The following ARL13B variants were observed in gnomAD, a reference collection of about 807,000 sequenced individuals.
ARL13B encodes ARF like GTPase 13B.
ARL13B carries 36 observed loss-of-function variants against 56.1 expected under a neutral mutation model. The ratio of observed to expected loss-of-function variants is 0.64; its 90% CI spans 0.49 to 0.85. ARL13B has a LOEUF of 0.85. ARL13B is among the 40% of genes least tolerant of loss of function. The pLI, the probability that ARL13B is intolerant of heterozygous loss-of-function variation, is 0.00. For missense variants in ARL13B, 519 were observed against 507.1 expected (o/e 1.02, Z -0.23); for synonymous variants, 178 against 171.1 (o/e 1.04, Z -0.32).
chr3:94,021,923 G>T (rs2076456494), intron 3 of ARL13B, among the ~76,000 whole-genome samples: 1 of 151,790 alleles, frequency 6.6e-6, no homozygotes. Context: ...ATGTACACAG[G>T]TTAACAAGTC....
At chr3:94,028,400 C>T (rs2076601554) in intron 3 of ARL13B, 1 of 152,230 alleles carries the variant, frequency 6.6e-6, no homozygotes, top group South Asian at 2.1e-4. Flanking sequence ...GGTTTTCCAC[C>T]TGCGGTGTTG....
intron 3 of ARL13B, among the ~76,000 whole-genome samples, chr3:94,024,620 C>G (rs2076517944): frequency 6.6e-6 from 1 of 152,154 alleles, no homozygotes. Context: ...GGATCTCACT[C>G]TATCACCCAG....
At chr3:93,982,251 G>A (rs2107311502) in intron 1 of ARL13B, among the ~76,000 whole-genome samples, 1 of 152,324 alleles carries the variant, frequency 6.6e-6, no homozygotes, top group Non-Finnish European at 1.5e-5. Context: ...AAGTAGAACA[G>A]ATAATTGAAT....
chr3:94,010,125 C>T (rs1486857703), intron 3 of ARL13B, among the ~76,000 whole-genome samples: 3 of 152,078 alleles, frequency 2.0e-5, no homozygotes. Flanking sequence ...TTGAGAACTA[C>T]TGGTGTAGGA....
intron 9 of ARL13B, among the ~76,000 whole-genome samples, chr3:94,052,447 G>A (rs937358670): frequency 2.6e-5 from 4 of 152,040 alleles, no homozygotes; most frequent in Non-Finnish European, 5.9e-5. Context: ...GCATTAGAAC[G>A]AGGTCTTCAA....
intron 2 of ARL13B, among the ~76,000 whole-genome samples, chr3:93,997,979 G>A (rs553276800): frequency 1.4e-3 from 211 of 151,852 alleles, no homozygotes; most frequent in African/African-American, 4.8e-3. Flanking sequence ...GTGAGACTCC[G>A]TCTCAAAAAA....
In ARL13B at chr3:94,013,844, G is replaced by A. The variant is rs2076270815; in HGVS notation, c.380+9936G>A. On this transcript the variant is annotated intron_variant, in intron 3 of 9. Coordinates refer to ENST00000394222, the MANE Select transcript of ARL13B (RefSeq NM_001174150.2). ...CACCTGTAATCCCAGCTACTCAGGA[G>A]GCTAAGGCACAAGAATCGCTTGAAA... 2.0e-5 allele frequency among the ~76,000 whole-genome samples: 3 copies of A among 152,294 alleles called. No individual in the cohort carries two copies. The South Asian group carries it at 6.2e-4, about 32-fold the overall frequency.
chr3:94,014,461 A>G, intron 3 of ARL13B: 1 of 1,603,910 alleles, frequency 6.2e-7, no homozygotes, highest in Non-Finnish European at 8.5e-7. Context: ...TTTTACAGCT[A>G]GTCCAAATTT....
chr3:93,994,540 TAAGG>T (rs1242799723), intron 1 of ARL13B, among the ~76,000 whole-genome samples: 11 of 152,200 alleles, frequency 7.2e-5, no homozygotes, highest in Non-Finnish European at 1.3e-4. Context: ...GTAAGCTTAA[TAAGG>T]AAGAGTTTCT....
At chr3:94,035,275 T>C in intron 3 of ARL13B, 56 bp from the exon 4 acceptor site, 2 of 1,198,070 alleles carry the variant, frequency 1.7e-6, no homozygotes, top group Non-Finnish European at 2.4e-6. Context: ...AAAATATCTT[T>C]AAGTTTCCAT....
Position 94,035,252 on chromosome 3 carries a change from A to AT in ARL13B, c.381-79_381-78insT, listed in dbSNP as rs2076746227. The AT allele has an allele frequency of 5.5e-6, 6 of 1,085,252 alleles. No homozygotes were observed. In the South Asian group the frequency reaches 8.4e-5, roughly 15 times the overall value. The allele number at this position is 1,085,252 out of a possible 1,614,324, so 67.2% of individuals were successfully genotyped here. A position where few individuals can be genotyped will look rare whatever the true frequency, so the allele number is the denominator to read the frequency against. ...ACTCAGTCTCAAAAAAAAAAAAAAA[A>AT]AAGAATGTGGTCAAAATATCTTTAA... On this transcript the variant is annotated intron_variant, in intron 3 of 9. Coordinates refer to ENST00000394222, the MANE Select transcript of ARL13B (RefSeq NM_001174150.2).
intron 3 of ARL13B, among the ~76,000 whole-genome samples, chr3:94,023,851 T>C (rs1408779030): frequency 6.6e-6 from 1 of 152,150 alleles, no homozygotes; most frequent in Non-Finnish European, 1.5e-5. Flanking sequence ...GGAGATAATA[T>C]AGCATATAGG....
intron 2 of ARL13B, among the ~76,000 whole-genome samples, chr3:94,002,059 A>T (rs1316086190): frequency 6.6e-6 from 1 of 152,200 alleles, no homozygotes; most frequent in East Asian, 1.9e-4. Flanking sequence ...GTGTGTTGCA[A>T]GTCTGTTTCT....
At chr3:93,982,752 C>A (rs1204210891) in intron 1 of ARL13B, among the ~76,000 whole-genome samples, 1 of 152,090 alleles carries the variant, frequency 6.6e-6, no homozygotes, top group Non-Finnish European at 1.5e-5. Flanking sequence ...TCTTCTAAGT[C>A]CCCTTGTTCA....
intron 6 of ARL13B, 44 bp downstream of exon 6, chr3:94,040,032 G>A (rs2076836872): frequency 1.3e-6 from 2 of 1,554,898 alleles, no homozygotes; most frequent in East Asian, 2.3e-5. Context: ...TAAGTTATAA[G>A]TTGGAACTTG....
chr3:93,996,593 G>A (rs2075970261), intron 2 of ARL13B: 1 of 438,056 alleles, frequency 2.3e-6, no homozygotes, highest in Non-Finnish European at 4.6e-6. Context: ...GCCCAAGCTG[G>A]TCTGGAATGC....
chr3:94,011,929 G>A (rs1055495560), intron 3 of ARL13B, among the ~76,000 whole-genome samples: 2 of 152,026 alleles, frequency 1.3e-5, no homozygotes, highest in African/African-American at 4.8e-5. Context: ...CCTTGAAACT[G>A]CTCTTCTTGA....
chr3:94,033,753 G>A (rs76611259), intron 3 of ARL13B, among the ~76,000 whole-genome samples: 35 of 152,210 alleles, frequency 2.3e-4, no homozygotes, highest in African/African-American at 7.9e-4. Context: ...ATATAAAAGT[G>A]ATATTATATG....
intron 1 of ARL13B, among the ~76,000 whole-genome samples, chr3:93,990,753 G>C: frequency 6.6e-6 from 1 of 152,178 alleles, no homozygotes; most frequent in East Asian, 1.9e-4. Context: ...GCTATGCTGA[G>C]ATATGCTCTT....
Sources: allele counts gnomAD v4.1 joint callset (sites outside exome capture counted in the v4.1 genomes callset), GRCh38; gene constraint gnomAD v4.1.1; transcripts MANE v1.5; gene names NCBI Gene and HGNC (gene_info 2026-07-23, HGNC 2026-07-21).